Variants in FBXO17 observed in about 807,000 individuals in gnomAD.
The protein encoded by FBXO17 is F-box only protein 17.
FBXO17 carries 43 observed loss-of-function variants against 34.1 expected under a neutral mutation model. That is an observed-to-expected ratio of 1.26 (90% CI 0.99 to 1.62). The LOEUF (loss-of-function observed/expected upper bound fraction) is 1.62, where lower values mean the gene tolerates loss of function less well. FBXO17 is among the 40% of genes most tolerant of loss of function. The pLI is 0.00. For synonymous variants in FBXO17, 169 were observed against 166.0 expected, an observed-to-expected ratio of 1.02 and a Z score of -0.14; for missense variants, 424 against 386.7, an observed-to-expected ratio of 1.10 and a Z score of -0.81.
At chr19:38,959,671 G>A (rs971631226) in intron 1 of FBXO17, among the ~76,000 whole-genome samples, 25 of 151,934 alleles carry the variant, frequency 1.6e-4, no homozygotes, top group Non-Finnish European at 3.4e-4. Context: ...TGGGAGGATC[G>A]CTTGAACCCG....
intron 1 of FBXO17, among the ~76,000 whole-genome samples, chr19:38,952,979 A>G (rs370797828): frequency 8.5e-5 from 13 of 152,164 alleles, no homozygotes; most frequent in African/African-American, 2.9e-4. Context: ...TTTCTTCCTT[A>G]GCCAGCTTAA....
At chr19:38,944,828 G>C in intron 5 of FBXO17, 141 bp downstream of exon 5, 1 of 1,200,044 alleles carries the variant, frequency 8.3e-7, no homozygotes, top group Non-Finnish European at 1.2e-6. Flanking sequence ...ACAGGGCTTG[G>C]GATGTAAGAA....
chr19:38,956,864 CAAAAT>C (rs1975174027), intron 1 of FBXO17, among the ~76,000 whole-genome samples: 2 of 151,236 alleles, frequency 1.3e-5, no homozygotes, highest in South Asian at 2.1e-4. Flanking sequence ...GACTCTGCCT[CAAAAT>C]AAATAAATAA....
At chr19:38,945,192 T>G in intron 4 of FBXO17, 88 bp from the exon 5 acceptor site, 1 of 1,541,440 alleles carries the variant, frequency 6.5e-7, no homozygotes, top group African/African-American at 1.4e-5. Context: ...GGCTCCATCT[T>G]GATGAAGGTC....
At chr19:38,955,138 A>G (rs142256011) in intron 1 of FBXO17, among the ~76,000 whole-genome samples, 10,673 of 150,696 alleles carry the variant, frequency 0.071, 517 homozygotes, top group East Asian at 0.27. Flanking sequence ...TCACCATGTT[A>G]GCCAGGATGG....
chr19:38,951,280 C>T (rs2144818958), intron 1 of FBXO17, among the ~76,000 whole-genome samples: 1 of 152,244 alleles, frequency 6.6e-6, no homozygotes, highest in Admixed American at 6.5e-5. Flanking sequence ...ATCCTCCTGC[C>T]TCAGCCTCCC....
At chr19:38,952,620 T>A (rs1439395851) in intron 1 of FBXO17, 1 of 534,414 alleles carries the variant, frequency 1.9e-6, no homozygotes, top group East Asian at 5.4e-5. Context: ...TCCTCTCTTC[T>A]CCCTAATTTT....
intron 1 of FBXO17, among the ~76,000 whole-genome samples, chr19:38,954,120 A>T (rs1975127144): frequency 1.3e-5 from 2 of 152,052 alleles, no homozygotes; most frequent in Admixed American, 1.3e-4. Context: ...ACAGACTTGA[A>T]ATTAGCCTGG....
chr19:38,949,471 C>T (rs1178339817), intron 2 of FBXO17, among the ~76,000 whole-genome samples: 1 of 151,096 alleles, frequency 6.6e-6, no homozygotes, highest in East Asian at 1.9e-4. Flanking sequence ...TGGCCTCAAG[C>T]GATCCTCCCA....
intron 3 of FBXO17, 153 bp from the exon 4 acceptor site, chr19:38,946,720 A>G (rs1416093867): frequency 9.2e-7 from 1 of 1,084,574 alleles, no homozygotes; most frequent in African/African-American, 1.6e-5. Context: ...ATGATGGGCT[A>G]TACATCTCTC....
intron 1 of FBXO17, among the ~76,000 whole-genome samples, chr19:38,959,283 C>CTTTCTTT (rs1555751457): frequency 7.8e-6 from 1 of 128,080 alleles, no homozygotes; most frequent in Non-Finnish European, 1.7e-5. Context: ...TTCTTTCTTT[C>CTTTCTTT]TTTTTTTTTT....
intron 3 of FBXO17, among the ~76,000 whole-genome samples, chr19:38,947,597 A>C (rs555462025): frequency 6.6e-6 from 1 of 152,232 alleles, no homozygotes; most frequent in South Asian, 2.1e-4. Flanking sequence ...AAAAAACAAA[A>C]ACAAAAACAA....
chr19:38,974,033 C>CAT (rs34636219), intron 1 of FBXO17, among the ~76,000 whole-genome samples: 160 of 136,204 alleles, frequency 1.2e-3, no homozygotes, highest in African/African-American at 3.3e-3. Flanking sequence ...TATATATATA[C>CAT]ATATATATAT....
At chr19:38,949,817 C>A (rs12985294) in intron 2 of FBXO17, 154 bp downstream of exon 2, 4 of 954,772 alleles carry the variant, frequency 4.2e-6, no homozygotes, top group Non-Finnish European at 5.9e-6. Flanking sequence ...GCCCACCGGG[C>A]CTACCGCCCA....
chr19:38,966,616 T>C (rs2144840684), intron 1 of FBXO17, among the ~76,000 whole-genome samples: 1 of 152,022 alleles, frequency 6.6e-6, no homozygotes, highest in Admixed American at 6.6e-5. Flanking sequence ...TCCAAAGAAA[T>C]GGATTGGATG....
intron 1 of FBXO17, among the ~76,000 whole-genome samples, chr19:38,974,863 C>T (rs1975440302): frequency 6.6e-6 from 1 of 152,092 alleles, no homozygotes; most frequent in African/African-American, 2.4e-5. Flanking sequence ...TGTTGTTTTC[C>T]ATGCAAAGCT....
intron 3 of FBXO17, among the ~76,000 whole-genome samples, chr19:38,948,202 C>T (rs1975015027): frequency 2.0e-5 from 3 of 151,914 alleles, no homozygotes; most frequent in South Asian, 4.1e-4. Flanking sequence ...TCTCGCACTC[C>T]TGACCTAAAG....
chr19:38,959,480 T>G (rs953590521), intron 1 of FBXO17, among the ~76,000 whole-genome samples: 2 of 150,012 alleles, frequency 1.3e-5, no homozygotes, highest in African/African-American at 4.9e-5. Context: ...AGAGACGGGA[T>G]TTCACCATGT....
In FBXO17 at chr19:38,944,256, C is replaced by CATTATTATT. The variant is rs55839664; in HGVS notation, c.693+704_693+712dup. ...AAGCAGTGAGACTTCTGATCTGACT[C>CATTATTATT]ATTATTATTATTATTATTATTATTA... is the stretch of plus-strand genomic sequence containing the variant. On this transcript the variant is annotated intron_variant, in intron 5 of 5. Transcript: ENST00000292852. Among the ~76,000 whole-genome samples, 419 of 146,544 alleles carry CATTATTATT rather than the reference C, an allele frequency of 2.9e-3. 3 individuals carry two copies. The highest frequency in any genetic ancestry group is 9.7e-3 in the South Asian group (45 of 4,634).
Sources: allele counts gnomAD v4.1 joint callset (sites outside exome capture counted in the v4.1 genomes callset), GRCh38; gene constraint gnomAD v4.1.1; transcripts MANE v1.5; gene names NCBI Gene and HGNC (gene_info 2026-07-23, HGNC 2026-07-21).